The following GRM7 variants were observed in gnomAD, a reference collection of about 807,000 sequenced individuals.
The protein encoded by GRM7 is metabotropic glutamate receptor 7.
GRM7 carries 35 observed loss-of-function variants against 84.5 expected under a neutral mutation model. The ratio of observed to expected loss-of-function variants is 0.41; its 90% CI spans 0.32 to 0.55. The LOEUF (loss-of-function observed/expected upper bound fraction) is 0.55, where lower values mean the gene tolerates loss of function less well. GRM7 is among the 20% of genes least tolerant of loss of function. The pLI, the probability that GRM7 is intolerant of heterozygous loss-of-function variation, is 0.19. For synonymous variants in GRM7, 487 were observed against 455.1 expected, an observed-to-expected ratio of 1.07 and a Z score of -0.89; for missense variants, 1,003 against 1,194.6, an observed-to-expected ratio of 0.84 and a Z score of 2.36.
At chr3:7,154,575 A>G (rs1407918966) in intron 2 of GRM7, among the ~76,000 whole-genome samples, 1 of 152,066 alleles carries the variant, frequency 6.6e-6, no homozygotes, top group African/African-American at 2.4e-5. Context: ...TGCATGTGCT[A>G]AGGAGAAAAA....
At chr3:7,627,791 C>T (rs1003549724) in intron 8 of GRM7, among the ~76,000 whole-genome samples, 1 of 152,136 alleles carries the variant, frequency 6.6e-6, no homozygotes, top group Non-Finnish European at 1.5e-5. Flanking sequence ...GCTGCCTCCA[C>T]CTGTGTTTTT....
intron 1 of GRM7, among the ~76,000 whole-genome samples, chr3:6,922,815 A>G (rs1371903970): frequency 6.6e-6 from 1 of 152,198 alleles, no homozygotes; most frequent in Non-Finnish European, 1.5e-5. Flanking sequence ...TGTTAAAGGT[A>G]TGGTATTTTG....
chr3:6,923,003 G>A (rs1697174814), intron 1 of GRM7, among the ~76,000 whole-genome samples: 2 of 151,762 alleles, frequency 1.3e-5, no homozygotes, highest in African/African-American at 2.4e-5. Context: ...TTCTTTTCTT[G>A]TTTTATTTTC....
chr3:7,053,274 T>G (rs1697078404), intron 1 of GRM7, among the ~76,000 whole-genome samples: 1 of 151,410 alleles, frequency 6.6e-6, no homozygotes, highest in Non-Finnish European at 1.5e-5. Flanking sequence ...CTCTTTATAT[T>G]AATATATTCC....
chr3:6,869,422 A>T (rs1457053293), intron 1 of GRM7, among the ~76,000 whole-genome samples: 1 of 152,222 alleles, frequency 6.6e-6, no homozygotes, highest in Non-Finnish European at 1.5e-5. Flanking sequence ...AAGTTATCAG[A>T]TGGACATTAA....
At chr3:7,034,264 G>A (rs996158314) in intron 1 of GRM7, among the ~76,000 whole-genome samples, 4 of 151,690 alleles carry the variant, frequency 2.6e-5, no homozygotes, top group Non-Finnish European at 2.9e-5. Flanking sequence ...CTCATCCCCA[G>A]AAGTTTAATT....
intron 8 of GRM7, among the ~76,000 whole-genome samples, chr3:7,661,486 A>G (rs1336754738): frequency 1.3e-5 from 2 of 152,140 alleles, no homozygotes; most frequent in Non-Finnish European, 2.9e-5. Context: ...AAACTCTCAT[A>G]CACTGCTGAT....
chr3:7,414,925 T>A (rs1696097934), intron 4 of GRM7, 98 bp from the exon 5 acceptor site: 2 of 921,532 alleles, frequency 2.2e-6, no homozygotes, highest in Non-Finnish European at 3.2e-6. Context: ...AGGATCCAAT[T>A]CACTGAAACA....
At chr3:7,190,198 T>C (rs1695664930) in intron 2 of GRM7, among the ~76,000 whole-genome samples, 1 of 152,312 alleles carries the variant, frequency 6.6e-6, no homozygotes, top group Non-Finnish European at 1.5e-5. Flanking sequence ...CCTCTCTCTG[T>C]GCTTTCTTAC....
At chr3:7,313,172 G>A (rs965185856) in intron 4 of GRM7, among the ~76,000 whole-genome samples, 4 of 151,860 alleles carry the variant, frequency 2.6e-5, no homozygotes, top group Non-Finnish European at 5.9e-5. Context: ...CAGGCAATCC[G>A]CCCTCCTCAG....
chr3:7,233,071 C>A (rs140493693), intron 2 of GRM7, among the ~76,000 whole-genome samples: 263 of 152,200 alleles, frequency 1.7e-3, no homozygotes, highest in African/African-American at 5.7e-3. Context: ...AAAGCTATTA[C>A]CAAGTTTTGA....
intron 2 of GRM7, among the ~76,000 whole-genome samples, chr3:7,152,037 A>G (rs181636106): frequency 4.6e-4 from 70 of 152,332 alleles, no homozygotes; most frequent in Non-Finnish European, 7.9e-4. Context: ...GATACTAAAC[A>G]TTTGAGAACT....
At chr3:7,466,111 A>G (rs1005304865) in intron 7 of GRM7, among the ~76,000 whole-genome samples, 1 of 152,252 alleles carries the variant, frequency 6.6e-6, no homozygotes, top group African/African-American at 2.4e-5. Context: ...AAGAAACTTT[A>G]TGAAATACTC....
chr3:7,144,127 C>T (rs1694034580), intron 1 of GRM7, among the ~76,000 whole-genome samples: 1 of 152,050 alleles, frequency 6.6e-6, no homozygotes, highest in Non-Finnish European at 1.5e-5. Flanking sequence ...CAGAAGTCAG[C>T]CTGGATTCCA....
intron 4 of GRM7, among the ~76,000 whole-genome samples, chr3:7,342,652 A>C (rs918725248): frequency 1.3e-5 from 2 of 151,318 alleles, no homozygotes; most frequent in African/African-American, 4.9e-5. Flanking sequence ...CCTAGGTTCC[A>C]TCCCAGACAG....
intron 2 of GRM7, among the ~76,000 whole-genome samples, chr3:7,169,594 A>G (rs1257125402): frequency 6.6e-6 from 1 of 152,236 alleles, no homozygotes; most frequent in Non-Finnish European, 1.5e-5. Context: ...GAAGGCAGCT[A>G]GAATCCCAGG....
chr3:7,466,707 C>G (rs1279733200), intron 7 of GRM7, among the ~76,000 whole-genome samples: 1 of 152,226 alleles, frequency 6.6e-6, no homozygotes, highest in African/African-American at 2.4e-5. Flanking sequence ...TGCATATTCT[C>G]TTAAATAGAA....
At chr3:6,988,023 G>C (rs1329717859) in intron 1 of GRM7, among the ~76,000 whole-genome samples, 1 of 142,502 alleles carries the variant, frequency 7.0e-6, no homozygotes, top group Non-Finnish European at 1.5e-5. Context: ...TTCAGACGGA[G>C]TCTTGCTCTG....
At chr3:7,419,867 G>A (rs970896963) in intron 5 of GRM7, among the ~76,000 whole-genome samples, 2 of 152,118 alleles carry the variant, frequency 1.3e-5, no homozygotes, top group African/African-American at 4.8e-5. Flanking sequence ...TTTGTAACAA[G>A]CCTTCATATT....
Sources: gnomAD v4.1 joint callset for allele counts (sites outside exome capture counted in the v4.1 genomes callset) on GRCh38, gnomAD v4.1.1 for gene constraint, MANE v1.5 for transcripts, NCBI Gene and HGNC (gene_info 2026-07-23, HGNC 2026-07-21) for gene names.